The following CPN1 variants were observed in gnomAD, a reference collection of about 807,000 sequenced individuals.
The protein encoded by CPN1 is carboxypeptidase N catalytic chain.
CPN1 carries 37 observed loss-of-function variants against 46.4 expected under a neutral mutation model. That is an observed-to-expected ratio of 0.80 (90% CI 0.61 to 1.05). The LOEUF (loss-of-function observed/expected upper bound fraction) is 1.05. Among genes scored for constraint, CPN1 ranks in the 50% least tolerant of loss-of-function variants. CPN1 has a pLI of 0.00. For missense variants in CPN1, 563 were observed against 602.6 expected (o/e 0.93, Z 0.69); for synonymous variants, 224 against 235.4 (o/e 0.95, Z 0.44).
intron 2 of CPN1, among the ~76,000 whole-genome samples, chr10:100,073,757 A>G (rs912040281): frequency 6.6e-6 from 1 of 151,998 alleles, no homozygotes; most frequent in African/African-American, 2.4e-5. Flanking sequence ...CTGGGATTAC[A>G]GGCATGTGTT....
chr10:100,056,404 T>C (rs921784037), intron 6 of CPN1, among the ~76,000 whole-genome samples: 1 of 152,228 alleles, frequency 6.6e-6, no homozygotes, highest in Non-Finnish European at 1.5e-5. Flanking sequence ...ACTTTCTTCA[T>C]AGCATTTCTC....
At chr10:100,070,603 A>AT (rs1431344147) in intron 2 of CPN1, among the ~76,000 whole-genome samples, 1 of 151,900 alleles carries the variant, frequency 6.6e-6, no homozygotes, top group African/African-American at 2.4e-5. Context: ...ATGATGTAGC[A>AT]TTTTTTTTCC....
At position 100,048,835 on chromosome 10, in the gene CPN1, A is replaced by G. The variant is rs769483937; in HGVS notation, c.1153T>C (p.Tyr385His). ...DYFRLLLPGI[Y>H]TVSATAPGYD... The stretch of plus-strand genomic sequence containing the variant: ...CCAGGTGCTGTGGCACTAACAGTGT[A>G]GATACCTGGAAGCAGCAGCCGGAAG... The change falls in exon 8 of 9, where the codon TAC becomes CAC. Residue 385 changes from tyrosine (Y) to histidine (H), a missense_variant. Tyr to His is a moderately conservative substitution (Grantham distance 83, BLOSUM62 2). Coordinates refer to ENST00000370418, the MANE Select transcript of CPN1 (RefSeq NM_001308.3). 2 of 1,613,980 alleles carry G rather than the reference A, an allele frequency of 1.2e-6. No homozygotes were observed. The highest frequency in any genetic ancestry group is 2.2e-5 in the East Asian group (1 of 44,872).
chr10:100,053,273 A>G (rs1052547720), intron 7 of CPN1, among the ~76,000 whole-genome samples: 1 of 152,218 alleles, frequency 6.6e-6, no homozygotes, highest in African/African-American at 2.4e-5. Context: ...AACAGATTGT[A>G]GGAATTGTGA....
intron 2 of CPN1, among the ~76,000 whole-genome samples, chr10:100,074,101 C>T (rs868691801): frequency 6.6e-6 from 1 of 152,248 alleles, no homozygotes; most frequent in Middle Eastern, 3.4e-3. Flanking sequence ...CCATCTGCAA[C>T]CTTAATTCCT....
chr10:100,042,711 G>T, intron 8 of CPN1, 138 bp from the exon 9 acceptor site: 2 of 1,074,692 alleles, frequency 1.9e-6, no homozygotes, highest in Non-Finnish European at 2.8e-6. Context: ...TATAGACTTG[G>T]CTAACGTTCC....
At chr10:100,066,368 C>G (rs1330904647) in intron 3 of CPN1, among the ~76,000 whole-genome samples, 9 of 152,220 alleles carry the variant, frequency 5.9e-5, no homozygotes, top group Admixed American at 5.2e-4. Flanking sequence ...CCAGTGACTT[C>G]TAAGTCATCT....
intron 2 of CPN1, among the ~76,000 whole-genome samples, chr10:100,071,458 T>G (rs1183570762): frequency 6.6e-6 from 1 of 152,186 alleles, no homozygotes; most frequent in Non-Finnish European, 1.5e-5. Flanking sequence ...CATCTTCATA[T>G]GGCCTCCTCC....
chr10:100,049,082 C>T (rs2041334946), intron 7 of CPN1, among the ~76,000 whole-genome samples: 1 of 152,060 alleles, frequency 6.6e-6, no homozygotes, highest in Admixed American at 6.5e-5. Flanking sequence ...CCTCAGTCTC[C>T]CAAGTAGCTG....
intron 5 of CPN1, among the ~76,000 whole-genome samples, chr10:100,062,899 C>A (rs2041429198): frequency 6.6e-6 from 1 of 151,768 alleles, no homozygotes; most frequent in Non-Finnish European, 1.5e-5. Flanking sequence ...CCATGCCTGG[C>A]CTTATTATTC....
At chr10:100,050,566 G>A (rs2041346209) in intron 7 of CPN1, among the ~76,000 whole-genome samples, 1 of 152,118 alleles carries the variant, frequency 6.6e-6, no homozygotes, top group African/African-American at 2.4e-5. Flanking sequence ...TTATATGGGT[G>A]TAATCTTATA....
chr10:100,052,219 C>T lies in CPN1; in HGVS notation c.1111+2128G>A, dbSNP rs540168736. Among the ~76,000 whole-genome samples, 88 of 152,220 alleles carry T rather than the reference C, an allele frequency of 5.8e-4. 1 individual carries two copies. In the South Asian group the frequency reaches 0.014, roughly 24 times the overall value. On this transcript the variant is annotated intron_variant, in intron 7 of 8. Transcript: ENST00000370418. Reference sequence around the variant, plus strand: ...CTGAGTAGCTGGGATCACAGGCACACGCCACTATACCTGGCTAATTTTTTG... The same window carrying T: ...CTGAGTAGCTGGGATCACAGGCACATGCCACTATACCTGGCTAATTTTTTG...
intron 8 of CPN1, among the ~76,000 whole-genome samples, chr10:100,042,842 C>T (rs2041285466): frequency 2.3e-5 from 2 of 86,770 alleles, no homozygotes; most frequent in Non-Finnish European, 4.2e-5. Flanking sequence ...GGCTGTAATC[C>T]CAGCACTTGG....
At chr10:100,050,702 G>A (rs2041346963) in intron 7 of CPN1, among the ~76,000 whole-genome samples, 1 of 152,174 alleles carries the variant, frequency 6.6e-6, no homozygotes, top group Non-Finnish European at 1.5e-5. Context: ...ATAGCTCACT[G>A]CAACCTTGAA....
chr10:100,062,792 G>T (rs1251469960), intron 5 of CPN1, among the ~76,000 whole-genome samples: 1 of 150,654 alleles, frequency 6.6e-6, no homozygotes, highest in Non-Finnish European at 1.5e-5. Context: ...GTAGGGATGA[G>T]GTCTTGCTAT....
At chr10:100,064,556 T>C (rs1461519710) in intron 4 of CPN1, among the ~76,000 whole-genome samples, 2 of 151,618 alleles carry the variant, frequency 1.3e-5, no homozygotes, top group African/African-American at 4.8e-5. Context: ...AATTTTTTTA[T>C]TTTTAGTACA....
At chr10:100,067,837 T>C (rs2041462828) in intron 3 of CPN1, among the ~76,000 whole-genome samples, 1 of 151,972 alleles carries the variant, frequency 6.6e-6, no homozygotes, top group Non-Finnish European at 1.5e-5. Context: ...ATAGTAATGA[T>C]AAAGTAGTCA....
chr10:100,066,434 T>G (rs2041455182), intron 3 of CPN1, among the ~76,000 whole-genome samples: 1 of 152,244 alleles, frequency 6.6e-6, no homozygotes, highest in African/African-American at 2.4e-5. Context: ...TTTACAGTGA[T>G]GGTTTTCAAC....
intron 3 of CPN1, 93 bp from the exon 4 acceptor site, chr10:100,065,463 A>G: frequency 1.5e-6 from 2 of 1,351,004 alleles, no homozygotes; most frequent in Non-Finnish European, 2.1e-6. Context: ...TGGCCTGAGG[A>G]GATAAAATGT....
Sources: gnomAD v4.1 joint callset for allele counts (sites outside exome capture counted in the v4.1 genomes callset) on GRCh38, gnomAD v4.1.1 for gene constraint, MANE v1.5 for transcripts, NCBI Gene and HGNC (gene_info 2026-07-23, HGNC 2026-07-21) for gene names.